RABGAP1: variants seen among roughly 807,000 people sequenced by gnomAD.
RABGAP1 encodes the protein rab GTPase-activating protein 1.
Under a neutral mutation model 137.6 loss-of-function variants are expected in RABGAP1, and 23 were observed. The ratio of observed to expected loss-of-function variants is 0.17; its 90% CI spans 0.12 to 0.24. The LOEUF (loss-of-function observed/expected upper bound fraction) is 0.24, where lower values mean the gene tolerates loss of function less well. Among genes scored for constraint, RABGAP1 ranks in the 10% least tolerant of loss-of-function variants. RABGAP1 has a pLI of 1.00. For synonymous variants in RABGAP1, 451 were observed against 450.7 expected (o/e 1.00, Z -0.01); for missense variants, 906 against 1,275.8 (o/e 0.71, Z 4.42).
chr9:123,061,776 G>A (rs700059), intron 13 of RABGAP1: 112,503 of 152,104 alleles, frequency 0.74, 43,560 homozygotes, highest in Middle Eastern at 0.88. Context: ...CATTCATTCC[G>A]TGTTCTTTTA....
intron 13 of RABGAP1, among the ~76,000 whole-genome samples, chr9:123,022,211 A>G (rs1047981804): frequency 2.0e-5 from 3 of 152,242 alleles, no homozygotes; most frequent in East Asian, 1.9e-4. Context: ...AAGACTATTC[A>G]TAAGACATGA....
intron 17 of RABGAP1, 128 bp downstream of exon 17, chr9:123,074,556 G>A: frequency 9.2e-7 from 1 of 1,089,894 alleles, no homozygotes; most frequent in Non-Finnish European, 1.3e-6. Context: ...TTATTGCTAG[G>A]AAATCTAGGT....
intron 17 of RABGAP1, 62 bp from the exon 18 acceptor site, chr9:123,076,183 C>T: frequency 1.3e-6 from 2 of 1,526,962 alleles, no homozygotes; most frequent in Non-Finnish European, 1.8e-6. Flanking sequence ...GGTATAAGGA[C>T]AAATAGCATA....
intron 13 of RABGAP1, chr9:123,035,014 A>G (rs757383873): frequency 6.2e-7 from 1 of 1,613,694 alleles, no homozygotes; most frequent in Admixed American, 1.7e-5. Context: ...ACGCCTGTGT[A>G]TTTTCCTGAT....
rs545246963 is a variant in RABGAP1 at position 123,054,674 on chromosome 9, C to T, written c.1795-10674C>T. On this transcript the variant is annotated intron_variant, in intron 13 of 25. Coordinates refer to ENST00000373647, the MANE Select transcript of RABGAP1 (RefSeq NM_012197.4). ...CTCCAGGATTCCCTCCAGGTGAGTG[C>T]ACTACATTTAGTCCTCATGTTTCCT... Among the ~76,000 whole-genome samples the T allele has an allele frequency of 1.4e-4, 21 of 152,318 alleles. No homozygotes were observed. The South Asian group carries it at 2.7e-3, about 20-fold the overall frequency.
chr9:123,046,602 T>C (rs2132041927), intron 13 of RABGAP1, among the ~76,000 whole-genome samples: 1 of 152,324 alleles, frequency 6.6e-6, no homozygotes, highest in East Asian at 1.9e-4. Context: ...TTGTAAAGAT[T>C]AAATGAGCTA....
At chr9:123,076,430 G>A (rs550625336) in intron 18 of RABGAP1, 144 bp downstream of exon 18, 23 of 1,144,396 alleles carry the variant, frequency 2.0e-5, no homozygotes, top group Middle Eastern at 2.2e-4. Flanking sequence ...TGACAAAAGC[G>A]AAGAAATATC....
intron 19 of RABGAP1, among the ~76,000 whole-genome samples, chr9:123,079,985 G>T (rs1444308408): frequency 6.6e-6 from 1 of 152,174 alleles, no homozygotes; most frequent in Non-Finnish European, 1.5e-5. Flanking sequence ...ATAAGTGAAT[G>T]AATAAATACA....
At chr9:123,084,473 T>G (rs1564185194) in intron 19 of RABGAP1, among the ~76,000 whole-genome samples, 1 of 152,212 alleles carries the variant, frequency 6.6e-6, no homozygotes, top group African/African-American at 2.4e-5. Context: ...CTACTAATGT[T>G]CAACCTCCCA....
At position 123,035,303 on chromosome 9, in the gene RABGAP1, C is replaced by G. The variant is rs748840718; in HGVS notation, c.1794+14844C>G. On this transcript the variant is annotated intron_variant, in intron 13 of 25. Coordinates refer to ENST00000373647, the MANE Select transcript of RABGAP1 (RefSeq NM_012197.4). ...GAGACTGGGGAAGTGCAGGCCTGTCCTGATAAGCGCTATGCCATGGTCCTG... is the reference window on the plus strand; with the variant it reads ...GAGACTGGGGAAGTGCAGGCCTGTCGTGATAAGCGCTATGCCATGGTCCTG... 1.4e-5 allele frequency: 23 copies of G among 1,614,054 alleles called. No individual in the cohort carries two copies. The highest frequency in any genetic ancestry group is 1.9e-5 in the Non-Finnish European group (23 of 1,180,026).
chr9:123,026,367 C>G (rs913357962), intron 13 of RABGAP1, among the ~76,000 whole-genome samples: 1 of 152,078 alleles, frequency 6.6e-6, no homozygotes, highest in African/African-American at 2.4e-5. Flanking sequence ...TCTATCCCTG[C>G]TTTGGATTTT....
At chr9:123,081,999 C>T (rs1311996403) in intron 19 of RABGAP1, among the ~76,000 whole-genome samples, 1 of 151,684 alleles carries the variant, frequency 6.6e-6, no homozygotes, top group East Asian at 1.9e-4. Flanking sequence ...TTTGGTGTGG[C>T]AGTATCTGAA....
chr9:123,030,867 G>A (rs1330569926), intron 13 of RABGAP1, among the ~76,000 whole-genome samples: 1 of 151,660 alleles, frequency 6.6e-6, no homozygotes, highest in Non-Finnish European at 1.5e-5. Flanking sequence ...TTAATAAATT[G>A]TGTCTTTTGA....
At chr9:123,077,610 CATTGT>C (rs71508192) in intron 19 of RABGAP1, among the ~76,000 whole-genome samples, 6,987 of 91,214 alleles carry the variant, frequency 0.077, 136 homozygotes, top group African/African-American at 0.11. Context: ...GTTATCATAA[CATTGT>C]ATTGTATTGT....
intron 14 of RABGAP1, among the ~76,000 whole-genome samples, chr9:123,067,713 A>C (rs1439515826): frequency 6.6e-6 from 1 of 152,204 alleles, no homozygotes; most frequent in African/African-American, 2.4e-5. Context: ...CTTGGTCTAT[A>C]GTAGGTGTTC....
intron 13 of RABGAP1, among the ~76,000 whole-genome samples, chr9:123,023,199 G>A (rs1322136141): frequency 6.6e-6 from 1 of 151,954 alleles, no homozygotes; most frequent in Non-Finnish European, 1.5e-5. Context: ...TTCTGTTTTG[G>A]AGATGGAGTC....
chr9:123,069,495 T>G (rs936403488), intron 14 of RABGAP1, among the ~76,000 whole-genome samples: 8 of 151,858 alleles, frequency 5.3e-5, no homozygotes, highest in African/African-American at 1.9e-4. Flanking sequence ...CCTAGCAGTT[T>G]GTGAGGCTGA....
At chr9:122,989,823 A>G in intron 5 of RABGAP1, 2 of 510,712 alleles carry the variant, frequency 3.9e-6, no homozygotes, top group Admixed American at 3.6e-5. Flanking sequence ...CAATTTAGGA[A>G]GTGATTTTTA....
chr9:123,017,864 C>G (rs2031346444), intron 12 of RABGAP1, among the ~76,000 whole-genome samples: 1 of 152,180 alleles, frequency 6.6e-6, no homozygotes, highest in African/African-American at 2.4e-5. Context: ...TTAAGGCATT[C>G]TAGTTAGTAA....
Sources: gnomAD v4.1 joint callset for allele counts (sites outside exome capture counted in the v4.1 genomes callset) on GRCh38, gnomAD v4.1.1 for gene constraint, MANE v1.5 for transcripts, NCBI Gene and HGNC (gene_info 2026-07-23, HGNC 2026-07-21) for gene names.